Variants in ABHD3 observed in about 807,000 individuals in gnomAD.
ABHD3 encodes phospholipase ABHD3.
Under a neutral mutation model 48.8 loss-of-function variants are expected in ABHD3, and 46 were observed. That is an observed-to-expected ratio of 0.94 (90% CI 0.74 to 1.20). The LOEUF (loss-of-function observed/expected upper bound fraction) is 1.20, where lower values mean the gene tolerates loss of function less well. Among genes scored for constraint, ABHD3 ranks in the 50% most tolerant of loss-of-function variants. The pLI is 0.00. For missense variants in ABHD3, 490 were observed against 497.8 expected (o/e 0.98, Z 0.15); for synonymous variants, 192 against 183.7 (o/e 1.04, Z -0.36).
chr18:21,702,418 G>A lies in ABHD3; in HGVS notation c.407C>T (p.Ala136Val), dbSNP rs1034649171. 1.9e-6 allele frequency: 3 copies of A among 1,613,826 alleles called. No individual in the cohort carries two copies. Among genetic ancestry groups the A allele is most frequent in the Non-Finnish European group, 8.5e-7 (1 of 1,179,920 alleles). Residue 136 changes from alanine to valine, a missense_variant, in exon 3 of 9, where the codon GCC becomes GTC. Ala to Val is a moderately conservative substitution (Grantham distance 64, BLOSUM62 0). Coordinates refer to ENST00000289119, the MANE Select transcript of ABHD3 (RefSeq NM_138340.5). ...CAATAAGATAGTAGGTCTGGTGCTG[G>A]CATCCATATAACACGTACTGTTATC... Reference protein sequence around the residue: ...DNDNSTCYMDASTRPTILLLP... With the variant: ...DNDNSTCYMDVSTRPTILLLP...
intron 8 of ABHD3, among the ~76,000 whole-genome samples, chr18:21,656,304 A>G (rs1347385216): frequency 1.3e-5 from 2 of 152,100 alleles, no homozygotes; most frequent in Non-Finnish European, 2.9e-5. Context: ...CCTCCCAAGT[A>G]TCTGGGACTA....
intron 8 of ABHD3, among the ~76,000 whole-genome samples, chr18:21,653,052 C>CAA (rs745321830): frequency 1.6e-3 from 8 of 4,902 alleles, no homozygotes; most frequent in African/African-American, 5.6e-3. Context: ...GACTCCATCT[C>CAA]AAAAAAAAAA....
At chr18:21,702,234 T>C in intron 3 of ABHD3, 82 bp downstream of exon 3, 8 of 1,251,212 alleles carry the variant, frequency 6.4e-6, no homozygotes, top group Non-Finnish European at 8.7e-6. Context: ...AAGTACTAAG[T>C]ATTTCTGAAA....
At chr18:21,702,974 A>C (rs764120798) in intron 2 of ABHD3, among the ~76,000 whole-genome samples, 1 of 152,190 alleles carries the variant, frequency 6.6e-6, no homozygotes, top group African/African-American at 2.4e-5. Flanking sequence ...GTATTCATGA[A>C]CTTACAGAAT....
At chr18:21,669,675 GA>G (rs1229565893) in intron 4 of ABHD3, among the ~76,000 whole-genome samples, 4 of 152,104 alleles carry the variant, frequency 2.6e-5, no homozygotes, top group South Asian at 4.1e-4. Flanking sequence ...TCCTCTTCAT[GA>G]AAACTCCCAA....
intron 4 of ABHD3, 129 bp downstream of exon 4, chr18:21,683,790 AT>A (rs1322418605): frequency 1.9e-5 from 17 of 907,502 alleles, no homozygotes; most frequent in Admixed American, 1.5e-4. Context: ...CCATATCTGT[AT>A]TTTTGTATAA....
At chr18:21,677,948 C>A (rs2039924039) in intron 4 of ABHD3, among the ~76,000 whole-genome samples, 1 of 151,942 alleles carries the variant, frequency 6.6e-6, no homozygotes, top group African/African-American at 2.4e-5. Context: ...CAGGTATGAG[C>A]CACCGTGCCC....
chr18:21,695,182 G>A (rs1010410500), intron 3 of ABHD3, among the ~76,000 whole-genome samples: 2 of 152,070 alleles, frequency 1.3e-5, no homozygotes, highest in East Asian at 1.9e-4. Flanking sequence ...ACAGGCACCC[G>A]CCACCAGGCT....
chr18:21,688,124 G>A (rs761572897), intron 3 of ABHD3, among the ~76,000 whole-genome samples: 1 of 152,178 alleles, frequency 6.6e-6, no homozygotes, highest in Non-Finnish European at 1.5e-5. Flanking sequence ...GGGTGATGGA[G>A]AGCCTGTCTC....
intron 3 of ABHD3, chr18:21,701,741 T>C (rs557554116): frequency 6.6e-6 from 1 of 152,272 alleles, no homozygotes; most frequent in Non-Finnish European, 1.5e-5. Flanking sequence ...AAATTGTACC[T>C]GGTGACTGAG....
intron 3 of ABHD3, among the ~76,000 whole-genome samples, chr18:21,697,074 CT>C (rs781661076): frequency 2.7e-3 from 360 of 135,680 alleles, no homozygotes; most frequent in Admixed American, 4.4e-3. Flanking sequence ...ATTCTATTAA[CT>C]TTTTTTTTTT....
intron 4 of ABHD3, among the ~76,000 whole-genome samples, chr18:21,666,494 T>A (rs1281272123): frequency 2.6e-5 from 4 of 151,454 alleles, no homozygotes; most frequent in African/African-American, 7.3e-5. Flanking sequence ...GCCCGGCCTA[T>A]TTTTTTTGAA....
At chr18:21,699,319 T>C (rs2040454976) in intron 3 of ABHD3, among the ~76,000 whole-genome samples, 2 of 152,232 alleles carry the variant, frequency 1.3e-5, no homozygotes, top group African/African-American at 2.4e-5. Flanking sequence ...GTTCGAACAT[T>C]TGAATCCAGC....
At position 21,676,432 on chromosome 18, in the gene ABHD3, C is replaced by T. The variant is rs189664751; in HGVS notation, c.555+7488G>A. Among the ~76,000 whole-genome samples the T allele has an allele frequency of 2.0e-5, 3 of 152,264 alleles. No homozygotes were observed. The East Asian group carries it at 5.8e-4, about 29-fold the overall frequency. Reference sequence around the variant, plus strand: ...TTTAAGGCAGAGTCTTGCTCTGTAGCCCAGGCTACACACAGTGGTGTGATC... The same window carrying T: ...TTTAAGGCAGAGTCTTGCTCTGTAGTCCAGGCTACACACAGTGGTGTGATC... On this transcript the variant is annotated intron_variant, in intron 4 of 8. Transcript: ENST00000289119.
At chr18:21,695,954 T>C (rs2040360111) in intron 3 of ABHD3, among the ~76,000 whole-genome samples, 1 of 152,188 alleles carries the variant, frequency 6.6e-6, no homozygotes, top group Non-Finnish European at 1.5e-5. Context: ...AACTTACAAC[T>C]GTATAATTCT....
chr18:21,688,739 TAGAC>T (rs2040180713), intron 3 of ABHD3, among the ~76,000 whole-genome samples: 1 of 152,070 alleles, frequency 6.6e-6, no homozygotes. Context: ...TCATAAAAGG[TAGAC>T]AGATCTTATG....
intron 8 of ABHD3, among the ~76,000 whole-genome samples, chr18:21,656,087 C>T (rs139357197): frequency 0.011 from 1,656 of 151,536 alleles, 31 homozygotes; most frequent in African/African-American, 0.038. Flanking sequence ...ACCCGGGAGG[C>T]GGAGGTTGCA....
rs943340796 is a variant in ABHD3, at chr18:21,651,427, A to T, written c.*164T>A. The T allele has an allele frequency of 1.5e-6, 1 of 652,472 alleles. No homozygotes were observed. Among genetic ancestry groups the T allele is most frequent in the Non-Finnish European group, 2.4e-6 (1 of 410,734 alleles). The allele number at this position is 652,472 out of a possible 1,614,324, so 40.4% of individuals were successfully genotyped here. A position where few individuals can be genotyped will look rare whatever the true frequency, so the allele number is the denominator to read the frequency against. ...AATACTATATTTAATTTGTTGCTAC[A>T]AAGTTGTTTTGTTTCTCTAAAAAGT... On this transcript the variant is annotated 3_prime_UTR_variant, in exon 9 of 9. Coordinates refer to ENST00000289119, the MANE Select transcript of ABHD3 (RefSeq NM_138340.5).
chr18:21,693,724 T>C (rs2040304880), intron 3 of ABHD3, among the ~76,000 whole-genome samples: 1 of 152,212 alleles, frequency 6.6e-6, no homozygotes, highest in African/African-American at 2.4e-5. Context: ...ATCTGGCTAG[T>C]CTCACAAATG....
Sources: allele counts gnomAD v4.1 joint callset (sites outside exome capture counted in the v4.1 genomes callset), GRCh38; gene constraint gnomAD v4.1.1; transcripts MANE v1.5; gene names NCBI Gene and HGNC (gene_info 2026-07-23, HGNC 2026-07-21).